PGAP6: variants seen among roughly 807,000 people sequenced by gnomAD.
PGAP6 encodes post-GPI attachment to proteins 6, also known as post-GPI attachment to proteins factor 6.
PGAP6 carries 62 observed loss-of-function variants against 68.4 expected under a neutral mutation model. The ratio of observed to expected loss-of-function variants is 0.91; its 90% CI spans 0.74 to 1.12. The LOEUF is 1.12. Ranked by LOEUF, PGAP6 falls within the 50% of genes most tolerant of loss-of-function variation. The probability of loss-of-function intolerance (pLI) is 0.00; values close to 1 mark genes in which losing one functional copy is unlikely to be tolerated. For synonymous variants in PGAP6, 575 were observed against 474.0 expected, an observed-to-expected ratio of 1.21 and a Z score of -2.77; for missense variants, 1,188 against 1,068.5, an observed-to-expected ratio of 1.11 and a Z score of -1.56.
At chr16:384,855 CA>C (rs559192580), upstream of PGAP6, among the ~76,000 whole-genome samples, 282 of 110,064 alleles carry the variant, frequency 2.6e-3, 1 homozygote, top group Middle Eastern at 6.5e-3. Context: ...GACTCCATCT[CA>C]AAAAAAAAAA....
Position 374,296 on chromosome 16 carries a change from G to A in PGAP6, c.1680C>T (p.Ala560=). 3 of 1,606,646 alleles carry A rather than the reference G, an allele frequency of 1.9e-6. No homozygotes were observed. The highest frequency in any genetic ancestry group is 1.1e-5 in the South Asian group (1 of 91,060). Residue 560 remains alanine, a synonymous_variant, in exon 10 of 13, where the codon GCC becomes GCT. Coordinates refer to ENST00000431232, the MANE Select transcript of PGAP6 (RefSeq NM_021259.3). ...ATCGCCGCACTGAGACGGCGATGGGGGCCAGGAACATGAGGTTGCTGAGCG... is the reference window on the plus strand; with the variant it reads ...ATCGCCGCACTGAGACGGCGATGGGAGCCAGGAACATGAGGTTGCTGAGCG... ...LLTLSNLMFL[A]PIAVSVRRFF... is the part of the protein sequence containing the mutation.
In PGAP6 at chr16:376,278, A is replaced by T; in HGVS notation, c.1082T>A (p.Met361Lys). ...CTGGAAGTGCACCGACACCACGTCC[A>T]TGTCCTCCCGCGTGACTGGGTAGTT... ...LTNYPVTRED[M>K]DVVSVHFQPL... The change falls in exon 6 of 13, where the codon ATG becomes AAG. Residue 361 changes from methionine to lysine, a missense_variant. Met to Lys is a moderately conservative substitution (Grantham distance 95). Transcript: ENST00000431232. 6.2e-7 allele frequency: 1 copy of T among 1,612,760 alleles called. No homozygotes were observed. Among genetic ancestry groups the T allele is most frequent in the South Asian group, 1.1e-5 (1 of 91,080 alleles).
chr16:372,988 C>T (rs2054348686), intron 11 of PGAP6, among the ~76,000 whole-genome samples: 1 of 152,150 alleles, frequency 6.6e-6, no homozygotes, highest in Non-Finnish European at 1.5e-5. Flanking sequence ...ACAAACTGGA[C>T]AGACGCATAT....
chr16:372,992 C>A (rs972945255), intron 11 of PGAP6, among the ~76,000 whole-genome samples: 2 of 152,158 alleles, frequency 1.3e-5, no homozygotes, highest in African/African-American at 4.8e-5. Context: ...ACTGGACAGA[C>A]GCATATGGCC....
upstream of PGAP6, chr16:386,909 C>G: frequency 1.6e-6 from 1 of 609,234 alleles, no homozygotes; most frequent in Non-Finnish European, 3.1e-6. Flanking sequence ...TCCAGCGGCC[C>G]AAGACACTGC....
rs1281750558 is a variant in PGAP6 at position 371,203 on chromosome 16, C to A, written c.*784G>T. The stretch of plus-strand genomic sequence containing the variant: ...CCTGAACACCCACAGGGCACAGAGC[C>A]CAGTGCAGGGGGCAGACACCACCGC... On this transcript the variant is annotated 3_prime_UTR_variant, in exon 13 of 13. Transcript: ENST00000431232. 1 of 152,310 alleles carries A rather than the reference C, an allele frequency of 6.6e-6. No homozygotes were observed. Among genetic ancestry groups the A allele is most frequent in the African/African-American group, 2.4e-5 (1 of 41,440 alleles). The allele number at this position is 152,310 out of a possible 1,614,324, so 9.4% of individuals were successfully genotyped here.
rs751633450 is a variant in PGAP6 at position 374,900 on chromosome 16, G to A, written c.1440-8C>T. 3 of 1,612,628 alleles carry A rather than the reference G, an allele frequency of 1.9e-6. No individual in the cohort carries two copies. The highest frequency in any genetic ancestry group is 2.5e-6 in the Non-Finnish European group (3 of 1,179,836). ...ACAGCCTGCTCACAGTCCCTTTGAGGAAGGGGCCACAGGAAAGCTGGTGCA... is the reference window on the plus strand; with the variant it reads ...ACAGCCTGCTCACAGTCCCTTTGAGAAAGGGGCCACAGGAAAGCTGGTGCA... On this transcript the variant is annotated splice_polypyrimidine_tract_variant and splice_region_variant and intron_variant, in intron 8 of 12. Coordinates refer to ENST00000431232, the MANE Select transcript of PGAP6 (RefSeq NM_021259.3).
intron 6 of PGAP6, 87 bp from the exon 7 acceptor site, chr16:375,522 C>T: frequency 9.3e-7 from 1 of 1,074,364 alleles, no homozygotes; most frequent in South Asian, 1.3e-5. Flanking sequence ...CAGCCTGGTG[C>T]TGGTGCCTTT....
Position 374,090 on chromosome 16 carries a change from A to G in PGAP6, c.1817T>C (p.Leu606Pro). The change falls in exon 11 of 13, where the codon CTG becomes CCG. Residue 606 changes from leucine (L) to proline (P), a missense_variant. Leu to Pro is a moderately conservative substitution (Grantham distance 98). Coordinates refer to ENST00000431232, the MANE Select transcript of PGAP6 (RefSeq NM_021259.3). The stretch of plus-strand genomic sequence containing the variant: ...GGAGCCCAAGAAGTCGCAGTACTGC[A>G]GCGTGTCGTAGCTGAGGATGCACAG... Reference protein sequence around the residue: ...AVLCILSYDTLQYCDFLGSGA... With the variant: ...AVLCILSYDTPQYCDFLGSGA... 1.2e-6 allele frequency: 2 copies of G among 1,611,968 alleles called. No homozygotes were observed. The highest frequency in any genetic ancestry group is 8.5e-7 in the Non-Finnish European group (1 of 1,179,952).
chr16:376,812 C>T lies in PGAP6; in HGVS notation c.636G>A (p.Lys212=). 6.2e-7 allele frequency: 1 copy of T among 1,604,482 alleles called. No individual in the cohort carries two copies. The highest frequency in any genetic ancestry group is 1.1e-5 in the South Asian group (1 of 90,998). The change falls in exon 5 of 13, where the codon AAG becomes AAA. Residue 212 remains lysine (K), a splice_region_variant and synonymous_variant. Coordinates refer to ENST00000431232, the MANE Select transcript of PGAP6 (RefSeq NM_021259.3). ...QTLLSHPSYL[K]VFVPDYTREL... is the part of the protein sequence containing the mutation. ...CCCGCGTGTAATCGGGGACAAAGAC[C>T]CTGCAGCGAGGGGACACAGCTGGCT...
chr16:376,730 G>C lies in PGAP6; in HGVS notation c.718C>G (p.Arg240Gly), dbSNP rs768450549. 6.2e-7 allele frequency: 1 copy of C among 1,611,556 alleles called. No homozygotes were observed. The highest frequency in any genetic ancestry group is 1.1e-5 in the South Asian group (1 of 91,024). Residue 240 changes from arginine to glycine, a missense_variant, in exon 5 of 13, where the codon CGT (arginine) becomes GGT (glycine). By Grantham distance (125) the Arg-to-Gly change is moderately radical. Coordinates refer to ENST00000431232, the MANE Select transcript of PGAP6 (RefSeq NM_021259.3). ...AGGGTGACCGGGCCCACGGTGAGAC[G>C]CACGGGGCAGCCCAGGCTCCCATTG... ...VSNGSLGCPV[R>G]LTVGPVTLPS...
chr16:385,469 T>G (rs1301257091), upstream of PGAP6, among the ~76,000 whole-genome samples: 2 of 129,604 alleles, frequency 1.5e-5, no homozygotes, highest in Non-Finnish European at 3.3e-5. Context: ...CCGCTACCAT[T>G]CCTGGCTAAT....
At chr16:376,019 G>T in intron 6 of PGAP6, 117 bp downstream of exon 6, 2 of 1,090,966 alleles carry the variant, frequency 1.8e-6, no homozygotes, top group South Asian at 1.6e-5. Context: ...CTTGGCCCGT[G>T]CCTGCTGGTG....
upstream of PGAP6, chr16:382,038 CG>C: frequency 1.5e-6 from 1 of 664,732 alleles, no homozygotes; most frequent in Middle Eastern, 6.2e-4. Context: ...GGTCGGGGGG[CG>C]GGACCGGGGG....
intron 9 of PGAP6, 65 bp downstream of exon 9, chr16:374,691 G>T: frequency 6.3e-7 from 1 of 1,593,930 alleles, no homozygotes; most frequent in East Asian, 2.2e-5. Context: ...CAGGGGAAAG[G>T]CACAGCACAG....
upstream of PGAP6, chr16:382,115 C>T: frequency 2.9e-6 from 1 of 341,824 alleles, no homozygotes; most frequent in Non-Finnish European, 5.2e-6. Context: ...ACGTGGGGCG[C>T]GCGGGGGACG....
rs2054339230 is a variant in PGAP6, at chr16:372,143, G to T, written c.2160C>A (p.Tyr720Ter). 2 of 1,612,870 alleles carry T rather than the reference G, an allele frequency of 1.2e-6. No homozygotes were observed. Among genetic ancestry groups the T allele is most frequent in the African/African-American group, 1.3e-5 (1 of 74,910 alleles). ...GCAGGATGTGCCAGATGCTGTGGGT[G>T]TAGTAGTAGTTGTCGCTAGTCATCA... is the stretch of plus-strand genomic sequence containing the variant. ...TSMMTSDNYY[Y>*]THSIWHILLA... The change falls in exon 13 of 13, where the codon TAC (tyrosine) becomes TAA (stop). Residue 720 changes from tyrosine (Y) to a stop codon, truncating the protein, a stop_gained. Coordinates refer to ENST00000431232, the MANE Select transcript of PGAP6 (RefSeq NM_021259.3). LOFTEE classifies it low-confidence loss of function (END_TRUNC).
At chr16:372,762 T>C (rs771644618) in intron 11 of PGAP6, 35 bp from the exon 12 acceptor site, 1 of 1,510,644 alleles carries the variant, frequency 6.6e-7, no homozygotes, top group South Asian at 1.2e-5. Flanking sequence ...CAGGGACGTC[T>C]CTGAGGGCTC....
In PGAP6 at chr16:377,030, C is replaced by G. The variant is rs758369242; in HGVS notation, c.635+7G>C. 1.2e-6 allele frequency: 2 copies of G among 1,612,474 alleles called. No individual in the cohort carries two copies. The highest frequency in any genetic ancestry group is 3.3e-5 in the Admixed American group (2 of 59,994). On this transcript the variant is annotated splice_region_variant and intron_variant, in intron 4 of 12. Transcript: ENST00000431232. ...AGAGCCGGGCTGCCCCCCAGGCCCC[C>G]GCTCACTTGAGGTAGCTGGGATGGG...
Sources: allele counts gnomAD v4.1 joint callset (sites outside exome capture counted in the v4.1 genomes callset), GRCh38; gene constraint gnomAD v4.1.1; transcripts MANE v1.5; gene names NCBI Gene and HGNC (gene_info 2026-07-23, HGNC 2026-07-21).